The following FAM117B variants were observed in gnomAD, a reference collection of about 807,000 sequenced individuals.
FAM117B encodes family with sequence similarity 117 member B, also known as protein FAM117B.
In FAM117B, 22 loss-of-function variants were observed where a neutral mutation model predicts 52.8. The ratio of observed to expected loss-of-function variants is 0.42; its 90% CI spans 0.30 to 0.59. The LOEUF (loss-of-function observed/expected upper bound fraction) is 0.59, where lower values mean the gene tolerates loss of function less well. FAM117B is among the 20% of genes least tolerant of loss of function. FAM117B has a pLI of 0.22. For synonymous variants in FAM117B, 309 were observed against 324.1 expected (o/e 0.95, Z 0.50); for missense variants, 678 against 802.6 (o/e 0.84, Z 1.88).
chr2:202,744,804 T>C (rs1559114253), intron 4 of FAM117B, among the ~76,000 whole-genome samples: 1 of 150,390 alleles, frequency 6.6e-6, no homozygotes, highest in Non-Finnish European at 1.5e-5. Flanking sequence ...CAAAACCCCA[T>C]CTCTACTAAA....
At chr2:202,765,390 T>A (rs961384799) in intron 7 of FAM117B, 56 bp from the exon 8 acceptor site, 97 of 1,462,300 alleles carry the variant, frequency 6.6e-5, no homozygotes, top group African/African-American at 9.9e-5. Flanking sequence ...TTTTTTTTTT[T>A]TTTATTTTTT....
chr2:202,664,737 A>G (rs1480199284), intron 1 of FAM117B, among the ~76,000 whole-genome samples: 1 of 152,040 alleles, frequency 6.6e-6, no homozygotes, highest in Non-Finnish European at 1.5e-5. Context: ...CCCTCAGAAC[A>G]CGTGCCTCAT....
chr2:202,693,382 G>A (rs923623774), intron 1 of FAM117B, among the ~76,000 whole-genome samples: 2 of 152,168 alleles, frequency 1.3e-5, no homozygotes, highest in African/African-American at 4.8e-5. Flanking sequence ...GCTGAGGCGG[G>A]CGAGTCACTT....
chr2:202,713,138 G>A (rs552357239), intron 2 of FAM117B, among the ~76,000 whole-genome samples: 1 of 152,168 alleles, frequency 6.6e-6, no homozygotes, highest in Non-Finnish European at 1.5e-5. Flanking sequence ...GTGGAATTCA[G>A]CACTGAAGCC....
intron 1 of FAM117B, among the ~76,000 whole-genome samples, chr2:202,668,131 AT>A (rs1402107961): frequency 1.4e-5 from 2 of 142,064 alleles, no homozygotes; most frequent in Non-Finnish European, 3.0e-5. Flanking sequence ...TAAAATATAT[AT>A]TTTATAAAAA....
intron 1 of FAM117B, among the ~76,000 whole-genome samples, chr2:202,656,783 G>A (rs990432800): frequency 1.3e-5 from 2 of 152,110 alleles, no homozygotes; most frequent in African/African-American, 4.8e-5. Flanking sequence ...TCAGAAAGGA[G>A]TGTTGAATCT....
chr2:202,747,486 T>G (rs1476889669), intron 4 of FAM117B, among the ~76,000 whole-genome samples: 1 of 152,132 alleles, frequency 6.6e-6, no homozygotes, highest in Non-Finnish European at 1.5e-5. Flanking sequence ...AAATTTTTCT[T>G]TACAAATGAC....
intron 2 of FAM117B, among the ~76,000 whole-genome samples, chr2:202,709,198 C>T (rs1690922161): frequency 6.6e-6 from 1 of 150,864 alleles, no homozygotes. Context: ...TCCCCAAGTC[C>T]TTAGACCTTT....
At chr2:202,724,006 T>A (rs1691195177) in intron 2 of FAM117B, among the ~76,000 whole-genome samples, 1 of 151,186 alleles carries the variant, frequency 6.6e-6, no homozygotes, top group Non-Finnish European at 1.5e-5. Context: ...TCTTTCCCAA[T>A]ACACTTTTTA....
At chr2:202,669,349 G>A (rs1690256337) in intron 1 of FAM117B, among the ~76,000 whole-genome samples, 1 of 152,112 alleles carries the variant, frequency 6.6e-6, no homozygotes, top group Non-Finnish European at 1.5e-5. Flanking sequence ...TATCAGTGTG[G>A]GTGGGGCTAC....
At chr2:202,639,145 T>G (rs1041724671) in intron 1 of FAM117B, among the ~76,000 whole-genome samples, 31 of 152,356 alleles carry the variant, frequency 2.0e-4, no homozygotes, top group African/African-American at 7.5e-4. Context: ...CATATAATTC[T>G]ATAAACCTCA....
chr2:202,637,143 C>T (rs1367707341), intron 1 of FAM117B, among the ~76,000 whole-genome samples: 2 of 152,120 alleles, frequency 1.3e-5, no homozygotes, highest in Non-Finnish European at 2.9e-5. Context: ...GTGAAACGCC[C>T]GCCTTGGCTT....
rs1351841061 is a variant in FAM117B, at chr2:202,765,577, C to A, written c.1583C>A (p.Thr528Lys). 6.2e-7 allele frequency: 1 copy of A among 1,614,142 alleles called. No homozygotes were observed. Residue 528 changes from threonine to lysine, a missense_variant, in exon 8 of 8, where the codon ACA becomes AAA. This residue lies in a region of FAM117B where 68 missense variants were observed against 80.6 expected (regional missense o/e 0.84). Transcript: ENST00000392238. ...CCACTCCTTCCTACCCCGGATCTTA[C>A]ACTCAAGGGCTCTGGCCACAGCCTG... The part of the protein sequence containing the change: ...LKPLLPTPDL[T>K]LKGSGHSLTV...
intron 4 of FAM117B, among the ~76,000 whole-genome samples, chr2:202,742,001 C>A (rs1691549997): frequency 6.6e-6 from 1 of 152,140 alleles, no homozygotes; most frequent in East Asian, 1.9e-4. Flanking sequence ...AAGTACTACA[C>A]AATCTACATG....
At position 202,653,853 on chromosome 2, in the gene FAM117B, T is replaced by G. The variant is rs561514118; in HGVS notation, c.601+18065T>G. On this transcript the variant is annotated intron_variant, in intron 1 of 7. Transcript: ENST00000392238. ...TGAAAAGAAATGATTTTTCTGTCACTAATGAAATGGTCTTCCAGGTTCTCT... is the reference window on the plus strand; with the variant it reads ...TGAAAAGAAATGATTTTTCTGTCACGAATGAAATGGTCTTCCAGGTTCTCT... Among the ~76,000 whole-genome samples the G allele has an allele frequency of 9.2e-5, 14 of 152,308 alleles. No homozygotes were observed. In the East Asian group the frequency reaches 2.7e-3, roughly 29 times the overall value.
intron 2 of FAM117B, among the ~76,000 whole-genome samples, chr2:202,719,661 G>T (rs982837970): frequency 1.3e-5 from 2 of 152,080 alleles, no homozygotes; most frequent in Non-Finnish European, 2.9e-5. Flanking sequence ...ATATAATACT[G>T]TTATTTAATA....
intron 1 of FAM117B, among the ~76,000 whole-genome samples, chr2:202,666,731 C>T (rs887915539): frequency 2.5e-4 from 37 of 147,652 alleles, no homozygotes; most frequent in Admixed American, 6.1e-4. Flanking sequence ...TGCAGTGGCG[C>T]GATCTTGGCT....
chr2:202,759,539 A>G (rs1355712808), intron 7 of FAM117B, among the ~76,000 whole-genome samples, 186 bp downstream of exon 7: 1 of 150,032 alleles, frequency 6.7e-6, no homozygotes, highest in East Asian at 1.9e-4. Flanking sequence ...ATACAGATGC[A>G]CACCACTAGC....
At chr2:202,675,984 CAAAAAAA>C (rs778502048) in intron 1 of FAM117B, among the ~76,000 whole-genome samples, 3 of 56,742 alleles carry the variant, frequency 5.3e-5, no homozygotes, top group South Asian at 7.3e-4. Flanking sequence ...GACACAGTCT[CAAAAAAA>C]AAAAAAAAAA....
Sources: gnomAD v4.1 joint callset for allele counts (sites outside exome capture counted in the v4.1 genomes callset) on GRCh38, gnomAD v4.1.1 for gene constraint, gnomAD v4.1.1 regional missense constraint, MANE v1.5 for transcripts, NCBI Gene and HGNC (gene_info 2026-07-23, HGNC 2026-07-21) for gene names.